The following RAB28 variants were observed in gnomAD, a reference collection of about 807,000 sequenced individuals.
RAB28 encodes RAB28, member RAS oncogene family.
RAB28 carries 24 observed loss-of-function variants against 31.7 expected under a neutral mutation model. The ratio of observed to expected loss-of-function variants is 0.76; its 90% CI spans 0.55 to 1.06. The LOEUF is 1.06. RAB28 is among the 50% of genes least tolerant of loss of function. RAB28 has a pLI of 0.00. For synonymous variants in RAB28, 100 were observed against 90.4 expected, an observed-to-expected ratio of 1.11 and a Z score of -0.60; for missense variants, 254 against 258.5, an observed-to-expected ratio of 0.98 and a Z score of 0.12.
chr4:13,424,658 C>G (rs1560287912), intron 4 of RAB28, among the ~76,000 whole-genome samples: 1 of 152,136 alleles, frequency 6.6e-6, no homozygotes, highest in South Asian at 2.1e-4. Flanking sequence ...AAGAGACTTT[C>G]CAAATGTCAC....
chr4:13,449,073 T>C (rs963270539), intron 4 of RAB28, among the ~76,000 whole-genome samples: 2 of 151,996 alleles, frequency 1.3e-5, no homozygotes, highest in Non-Finnish European at 2.9e-5. Context: ...TTAAAATGTA[T>C]AAAGAGAATG....
chr4:13,369,131 T>C (rs1439619837), intron 6 of RAB28, among the ~76,000 whole-genome samples: 3 of 152,118 alleles, frequency 2.0e-5, no homozygotes, highest in Admixed American at 1.3e-4. Flanking sequence ...ATTTAAATGT[T>C]AAAGAGGATT....
chr4:13,395,491 A>C (rs1249413210), intron 4 of RAB28, among the ~76,000 whole-genome samples: 1 of 152,056 alleles, frequency 6.6e-6, no homozygotes, highest in Non-Finnish European at 1.5e-5. Flanking sequence ...ATACACTTTG[A>C]CTTCTAAAAC....
At position 13,368,472 on chromosome 4, in the gene RAB28, C is replaced by G. The variant is rs1728594018; in HGVS notation, c.*86G>C. The G allele has an allele frequency of 6.8e-7, 1 of 1,475,152 alleles. No homozygotes were observed. The highest frequency in any genetic ancestry group is 8.9e-7 in the Non-Finnish European group (1 of 1,117,334). 91.4% of individuals were successfully genotyped at this position (1,475,152 alleles called of 1,614,324 possible). A position where few individuals can be genotyped will look rare whatever the true frequency, so the allele number is the denominator to read the frequency against. The stretch of plus-strand genomic sequence containing the variant: ...GTGTTAACTGAACTACAGAGATGGT[C>G]ACTGATAAAACAAGTTCCTAGAAGT... On this transcript the variant is annotated 3_prime_UTR_variant, in exon 7 of 7. Transcript: ENST00000330852.
chr4:13,421,607 C>T (rs1713149594), intron 4 of RAB28, among the ~76,000 whole-genome samples: 1 of 152,166 alleles, frequency 6.6e-6, no homozygotes, highest in East Asian at 1.9e-4. Flanking sequence ...CACACATCTA[C>T]AACCATCTGA....
intron 5 of RAB28, among the ~76,000 whole-genome samples, chr4:13,379,656 T>C (rs1177084972): frequency 6.6e-6 from 1 of 152,078 alleles, no homozygotes; most frequent in Non-Finnish European, 1.5e-5. Context: ...GGTTGGTGGT[T>C]AGTGATTAGG....
chr4:13,452,630 C>A (rs936175829), intron 4 of RAB28, among the ~76,000 whole-genome samples: 1 of 151,934 alleles, frequency 6.6e-6, no homozygotes, highest in Non-Finnish European at 1.5e-5. Flanking sequence ...AGATAAGATA[C>A]TTGATATGAT....
intron 3 of RAB28, among the ~76,000 whole-genome samples, chr4:13,466,410 A>G (rs1715846743): frequency 6.6e-6 from 1 of 151,910 alleles, no homozygotes; most frequent in Non-Finnish European, 1.5e-5. Context: ...CCATAAAGAC[A>G]TTACTCAGAA....
chr4:13,420,452 C>CA lies in RAB28; in HGVS notation c.392-38859dup, dbSNP rs556447712. On this transcript the variant is annotated intron_variant, in intron 4 of 6. Coordinates refer to ENST00000330852, the MANE Select transcript of RAB28 (RefSeq NM_001017979.3). ...TACCAAAGCCTGGCAGAGACACACA[C>CA]AAAAAAGACAATTTTAGACCAATAT... Among the ~76,000 whole-genome samples, 172 of 152,126 alleles carry CA rather than the reference C, an allele frequency of 1.1e-3. 2 individuals are homozygous for CA. The highest frequency in any genetic ancestry group is 3.7e-3 in the African/African-American group (155 of 41,530).
intron 1 of RAB28, 58 bp from the exon 2 acceptor site, chr4:13,479,584 G>A: frequency 1.8e-6 from 2 of 1,133,014 alleles, no homozygotes; most frequent in Non-Finnish European, 1.3e-6. Flanking sequence ...GTAATCATAA[G>A]ACCACTATAA....
intron 4 of RAB28, among the ~76,000 whole-genome samples, chr4:13,445,009 G>A (rs937026822): frequency 1.7e-4 from 26 of 151,886 alleles, no homozygotes; most frequent in African/African-American, 5.8e-4. Context: ...TCTCTTTCAG[G>A]TAATCCTATC....
chr4:13,435,576 C>T (rs1481631629), intron 4 of RAB28, among the ~76,000 whole-genome samples: 3 of 152,006 alleles, frequency 2.0e-5, no homozygotes, highest in Non-Finnish European at 4.4e-5. Flanking sequence ...ACAAAAGATC[C>T]CCAAAGACTA....
intron 4 of RAB28, among the ~76,000 whole-genome samples, chr4:13,429,497 C>G (rs1054037270): frequency 6.6e-6 from 1 of 152,064 alleles, no homozygotes; most frequent in Admixed American, 6.5e-5. Flanking sequence ...ATGAACAATT[C>G]AAATATGAAA....
At chr4:13,401,800 C>T (rs1271472576) in intron 4 of RAB28, among the ~76,000 whole-genome samples, 1 of 151,996 alleles carries the variant, frequency 6.6e-6, no homozygotes. Flanking sequence ...CTTACCTTTA[C>T]TTTTTTCTTT....
At chr4:13,418,052 C>T (rs145688051) in intron 4 of RAB28, among the ~76,000 whole-genome samples, 421 of 152,200 alleles carry the variant, frequency 2.8e-3, no homozygotes, top group African/African-American at 9.7e-3. Context: ...GTTGAGAAGA[C>T]CTTAAATGAC....
intron 4 of RAB28, among the ~76,000 whole-genome samples, chr4:13,451,963 C>T (rs1714991999): frequency 1.3e-5 from 2 of 151,766 alleles, no homozygotes; most frequent in South Asian, 4.2e-4. Flanking sequence ...GTTTTAATGC[C>T]AGTACTGTGC....
intron 4 of RAB28, among the ~76,000 whole-genome samples, chr4:13,420,165 G>A (rs577772002): frequency 2.6e-5 from 4 of 152,100 alleles, no homozygotes; most frequent in Non-Finnish European, 5.9e-5. Context: ...ACAAGAAATG[G>A]ATACATTCCC....
intron 6 of RAB28, among the ~76,000 whole-genome samples, chr4:13,375,725 A>G (rs753885929): frequency 1.3e-5 from 2 of 152,120 alleles, no homozygotes; most frequent in African/African-American, 4.8e-5. Context: ...AGAAACAGCC[A>G]TATCAGTGTA....
rs1396647232 is a variant in RAB28 at position 13,371,793 on chromosome 4, A to G, written c.574-3143T>C. ...AGAAAATGTTACCTATAAAATACCA[A>G]CCTTTATTTTTAGAGCCACAAAGCA... On this transcript the variant is annotated intron_variant, in intron 6 of 6. Coordinates refer to ENST00000330852, the MANE Select transcript of RAB28 (RefSeq NM_001017979.3). 9 of 1,546,948 alleles carry G rather than the reference A, an allele frequency of 5.8e-6. No individual in the cohort carries two copies. In the African/African-American group the frequency reaches 9.6e-5, roughly 17 times the overall value.
Sources: allele counts gnomAD v4.1 joint callset (sites outside exome capture counted in the v4.1 genomes callset), GRCh38; gene constraint gnomAD v4.1.1; transcripts MANE v1.5; gene names NCBI Gene and HGNC (gene_info 2026-07-23, HGNC 2026-07-21).